HIVEP2: variants seen among roughly 807,000 people sequenced by gnomAD.
HIVEP2 encodes the protein transcription factor HIVEP2.
A neutral mutation model predicts 180.7 loss-of-function variants in HIVEP2; 14 were observed. The observed-to-expected ratio is 0.08, with a 90% CI of 0.05 to 0.12. The LOEUF is 0.12. Among genes scored for constraint, HIVEP2 ranks in the 10% least tolerant of loss-of-function variants. The pLI is 1.00. For synonymous variants in HIVEP2, 1,184 were observed against 1,136.4 expected (o/e 1.04, Z -0.84); for missense variants, 2,579 against 3,008.5 (o/e 0.86, Z 3.34).
At chr6:142,819,731 G>A (rs1347549421) in intron 2 of HIVEP2, among the ~76,000 whole-genome samples, 1 of 151,992 alleles carries the variant, frequency 6.6e-6, no homozygotes, top group African/African-American at 2.4e-5. Flanking sequence ...CTAATACTGG[G>A]GAAAATCCCA....
intron 1 of HIVEP2, among the ~76,000 whole-genome samples, chr6:142,841,414 C>T (rs1228866583): frequency 1.3e-5 from 2 of 151,548 alleles, no homozygotes; most frequent in Admixed American, 6.6e-5. Flanking sequence ...TGTGTTAGGT[C>T]GTTTTCATGT....
intron 2 of HIVEP2, among the ~76,000 whole-genome samples, chr6:142,784,045 G>A (rs977975328): frequency 1.3e-5 from 2 of 152,120 alleles, no homozygotes; most frequent in African/African-American, 4.8e-5. Flanking sequence ...TATACTTTGT[G>A]CTAAAATTAA....
intron 1 of HIVEP2, among the ~76,000 whole-genome samples, chr6:142,916,234 A>G (rs550824912): frequency 6.6e-6 from 1 of 152,200 alleles, no homozygotes; most frequent in Non-Finnish European, 1.5e-5. Flanking sequence ...GCCACCCTCC[A>G]ATTTGTTCAC....
In HIVEP2 at chr6:142,760,222, C is replaced by T. The variant is rs1554275136; in HGVS notation, c.6066G>A (p.Met2022Ile). 5 of 1,614,152 alleles carry T rather than the reference C, an allele frequency of 3.1e-6. No homozygotes were observed. The highest frequency in any genetic ancestry group is 4.2e-6 in the Non-Finnish European group (5 of 1,180,006). The change falls in exon 9 of 10, where the codon ATG (methionine) becomes ATA (isoleucine). Residue 2022 changes from methionine to isoleucine, a missense_variant. Around this residue, in one of 11 missense-constraint regions of HIVEP2, gnomAD observed 660 missense variants for 731.7 expected, o/e 0.90. Coordinates refer to ENST00000367603, the MANE Select transcript of HIVEP2 (RefSeq NM_006734.4). ...DKDRLDIPSC[M>I]DEECMLPSEP... ...CTGAAGGTAGCATGCACTCCTCATC[C>T]ATACAACTAGGTATGTCCAATCTGT...
chr6:142,842,130 A>G (rs929345685), intron 1 of HIVEP2, among the ~76,000 whole-genome samples: 5 of 152,160 alleles, frequency 3.3e-5, no homozygotes, highest in Non-Finnish European at 7.4e-5. Flanking sequence ...TTTAAAACAC[A>G]GCTGAATGGC....
At chr6:142,932,270 T>C (rs1777958103) in intron 1 of HIVEP2, among the ~76,000 whole-genome samples, 1 of 152,216 alleles carries the variant, frequency 6.6e-6, no homozygotes, top group Admixed American at 6.5e-5. Flanking sequence ...ATCTTGCACA[T>C]ACCAGAATCT....
At chr6:142,833,034 C>T (rs957139200) in intron 2 of HIVEP2, among the ~76,000 whole-genome samples, 1 of 152,168 alleles carries the variant, frequency 6.6e-6, no homozygotes, top group Admixed American at 6.5e-5. Context: ...ATCCACAACG[C>T]TCCAACATTT....
chr6:142,832,911 T>C (rs1436854361), intron 2 of HIVEP2, among the ~76,000 whole-genome samples: 1 of 152,242 alleles, frequency 6.6e-6, no homozygotes, highest in Non-Finnish European at 1.5e-5. Flanking sequence ...TTTTATTCCT[T>C]GGACTACCTC....
chr6:142,770,810 G>C lies in HIVEP2; in HGVS notation c.3929C>G (p.Ser1310Cys). The C allele has an allele frequency of 6.2e-7, 1 of 1,614,224 alleles. No individual in the cohort carries two copies. Among genetic ancestry groups the C allele is most frequent in the Non-Finnish European group, 8.5e-7 (1 of 1,180,042 alleles). The stretch of plus-strand genomic sequence containing the variant: ...AAAATCTTCTTGAAGAACCTGCTCA[G>C]AGGGCGTTTCAGTTGACTTACTGCT... ...DQSSKSTETP[S>C]EQVLQEDFAS... is the part of the protein sequence containing the mutation. Residue 1310 changes from serine (S) to cysteine (C), a missense_variant, in exon 5 of 10, where the codon TCT (serine) becomes TGT (cysteine). By Grantham distance (112) the Ser-to-Cys change is moderately radical. Coordinates refer to ENST00000367603, the MANE Select transcript of HIVEP2 (RefSeq NM_006734.4). This position sits in a 1 kb window ranked among gnomAD's most constrained non-coding sequence, Gnocchi z 4.7.
In HIVEP2 at chr6:142,943,742, C is replaced by G. The variant is rs968939057; in HGVS notation, c.-641+1357G>C. 1.3e-5 allele frequency among the ~76,000 whole-genome samples: 2 copies of G among 152,000 alleles called. No individual in the cohort carries two copies. Among genetic ancestry groups the G allele is most frequent in the Admixed American group, 6.6e-5 (1 of 15,266 alleles). Reference sequence around the variant, plus strand: ...ATGAAAGTACAGGAAACAAGCCTTTCTATATTCATTTTAGGCCTAAATAAC... The same window carrying G: ...ATGAAAGTACAGGAAACAAGCCTTTGTATATTCATTTTAGGCCTAAATAAC... On this transcript the variant is annotated intron_variant, in intron 1 of 9. Coordinates refer to ENST00000367603, the MANE Select transcript of HIVEP2 (RefSeq NM_006734.4). This position sits in a 1 kb window ranked among gnomAD's most constrained non-coding sequence, Gnocchi z 4.5.
intron 3 of HIVEP2, among the ~76,000 whole-genome samples, chr6:142,780,285 T>C (rs1383774367): frequency 2.6e-5 from 4 of 152,214 alleles, no homozygotes; most frequent in African/African-American, 7.2e-5. Context: ...TCCATCTTTG[T>C]GCCTAAGCTG....
At chr6:142,803,380 T>C (rs1444725045) in intron 2 of HIVEP2, among the ~76,000 whole-genome samples, 1 of 152,120 alleles carries the variant, frequency 6.6e-6, no homozygotes, top group African/African-American at 2.4e-5. Flanking sequence ...CAGATGCTGG[T>C]GAAATAATTA....
intron 1 of HIVEP2, among the ~76,000 whole-genome samples, chr6:142,869,868 AAC>A (rs1349652168): frequency 6.6e-6 from 1 of 152,074 alleles, no homozygotes; most frequent in Non-Finnish European, 1.5e-5. Flanking sequence ...AATCTTGTAA[AAC>A]ACACACATGT....
intron 1 of HIVEP2, among the ~76,000 whole-genome samples, chr6:142,859,191 C>T (rs1775904914): frequency 6.6e-6 from 1 of 152,060 alleles, no homozygotes; most frequent in African/African-American, 2.4e-5. Flanking sequence ...TGAGGCATTT[C>T]CTCAGCCAAC....
chr6:142,781,428 G>C (rs1244579684), intron 3 of HIVEP2, among the ~76,000 whole-genome samples: 1 of 152,088 alleles, frequency 6.6e-6, no homozygotes, highest in Admixed American at 6.6e-5. Flanking sequence ...TTTCTCTAGT[G>C]GGTTTTAAGT....
rs145085409 is a variant in HIVEP2, at chr6:142,773,761, C to T, written c.978G>A (p.Pro326=). 34 of 1,613,986 alleles carry T rather than the reference C, an allele frequency of 2.1e-5. No homozygotes were observed. Among genetic ancestry groups the T allele is most frequent in the Admixed American group, 1.0e-4 (6 of 60,034 alleles). Residue 326 remains proline, a synonymous_variant, in exon 5 of 10, where the codon CCG becomes CCA. Coordinates refer to ENST00000367603, the MANE Select transcript of HIVEP2 (RefSeq NM_006734.4). ...TCCCACTTTTAGGGATAATCAAAAT[C>T]GGCACCTTCATTGGACCTCCCAATG... ...EESLGGPMKV[P]ILIIPKSGIP...
chr6:142,937,438 A>C (rs757572511), intron 1 of HIVEP2, among the ~76,000 whole-genome samples: 1 of 152,128 alleles, frequency 6.6e-6, no homozygotes, highest in Non-Finnish European at 1.5e-5. Flanking sequence ...AAATTTCCCA[A>C]TGACTCTTGA....
chr6:142,915,822 C>A (rs1295503774), intron 1 of HIVEP2, among the ~76,000 whole-genome samples: 1 of 152,174 alleles, frequency 6.6e-6, no homozygotes, highest in East Asian at 1.9e-4. Flanking sequence ...CATCTCCAGA[C>A]CACCCCTTCC....
rs116566156 is a variant in HIVEP2, at chr6:142,847,002, C to T, written c.-640-9955G>A. 7.2e-3 allele frequency among the ~76,000 whole-genome samples: 1,102 copies of T among 152,270 alleles called. 15 individuals are homozygous for T. The highest frequency in any genetic ancestry group is 0.025 in the African/African-American group (1,043 of 41,542). On this transcript the variant is annotated intron_variant, in intron 1 of 9. Transcript: ENST00000367603. ...TTTGAGAAGCCATGCTGTAAACATG[C>T]TCATTAGAACAGAGAGGACTGGTCA... is the stretch of plus-strand genomic sequence containing the variant.
Sources: allele counts gnomAD v4.1 joint callset (sites outside exome capture counted in the v4.1 genomes callset), GRCh38; gene constraint gnomAD v4.1.1; regional missense constraint gnomAD v4.1.1; non-coding constraint Gnocchi (gnomAD v3.1); transcripts MANE v1.5; gene names NCBI Gene and HGNC (gene_info 2026-07-23, HGNC 2026-07-21).